QKI: variants seen among roughly 807,000 people sequenced by gnomAD.
QKI encodes the protein QKI, KH domain containing RNA binding.
A neutral mutation model predicts 39.0 loss-of-function variants in QKI; 10 were observed. That is an observed-to-expected ratio of 0.26 (90% CI 0.16 to 0.43). QKI has a LOEUF of 0.43. QKI is among the 20% of genes least tolerant of loss of function. The probability of loss-of-function intolerance (pLI) is 1.00; values close to 1 mark genes in which losing one functional copy is unlikely to be tolerated. For missense variants in QKI, 218 were observed against 428.0 expected, an observed-to-expected ratio of 0.51 and a Z score of 4.33; for synonymous variants, 204 against 155.4, an observed-to-expected ratio of 1.31 and a Z score of -2.33.
intron 1 of QKI, chr6:163,415,971 C>T (rs1175264477): frequency 2.0e-6 from 1 of 493,554 alleles, no homozygotes; most frequent in South Asian, 1.5e-5. Flanking sequence ...ACAAGGAGGA[C>T]TAAGTGACGG....
intron 7 of QKI, 27 bp from the exon 8 acceptor site, chr6:163,570,667 T>TG (rs758841050): frequency 3.1e-6 from 5 of 1,596,842 alleles, no homozygotes; most frequent in Middle Eastern, 1.7e-4. Context: ...TTTTTTGTTT[T>TG]GTTTTTTTTT....
chr6:163,466,678 A>G (rs541574520), intron 2 of QKI, among the ~76,000 whole-genome samples: 7 of 152,208 alleles, frequency 4.6e-5, no homozygotes, highest in Non-Finnish European at 7.3e-5. Flanking sequence ...TGACATTCCA[A>G]AGATGAAAGT....
intron 1 of QKI, among the ~76,000 whole-genome samples, chr6:163,435,889 A>G (rs1442770198): frequency 2.0e-5 from 3 of 152,182 alleles, no homozygotes; most frequent in Non-Finnish European, 2.9e-5. Flanking sequence ...ATATTTAAAC[A>G]CAGAATGGTA....
intron 2 of QKI, among the ~76,000 whole-genome samples, chr6:163,468,152 C>T (rs1391041571): frequency 1.3e-5 from 2 of 152,110 alleles, no homozygotes; most frequent in Non-Finnish European, 2.9e-5. Context: ...TACATATACG[C>T]TTCTGTGAAT....
chr6:163,451,686 A>G (rs1790571681), intron 1 of QKI, among the ~76,000 whole-genome samples: 1 of 152,164 alleles, frequency 6.6e-6, no homozygotes, highest in Admixed American at 6.5e-5. Context: ...ACGGTTCTGA[A>G]CTTCAGTTCT....
rs573065457 is a variant in QKI at position 163,416,264 on chromosome 6, A to G, written c.142+929A>G. The G allele has an allele frequency of 9.8e-5, 25 of 256,008 alleles. No homozygotes were observed. In the East Asian group the frequency reaches 1.3e-3, roughly 13 times the overall value. 15.9% of individuals were successfully genotyped at this position (256,008 alleles called of 1,614,324 possible). A position where few individuals can be genotyped will look rare whatever the true frequency, so the allele number is the denominator to read the frequency against. On this transcript the variant is annotated intron_variant, in intron 1 of 7. Transcript: ENST00000361752. ...GCGCTGTGGGGAGTGAAGAATGACAAGAAGATTAATGTTGACCAACTTTGG... is the reference window on the plus strand; with the variant it reads ...GCGCTGTGGGGAGTGAAGAATGACAGGAAGATTAATGTTGACCAACTTTGG...
At chr6:163,502,964 A>G (rs1778864334) in intron 3 of QKI, among the ~76,000 whole-genome samples, 1 of 152,186 alleles carries the variant, frequency 6.6e-6, no homozygotes, top group Admixed American at 6.5e-5. Context: ...CATTCCCACC[A>G]ACAGTATATA....
rs369728190 is a variant in QKI at position 163,535,104 on chromosome 6, G to A, written c.525G>A (p.Val175=). ...EIKLKRAVEE[V]KKLLVPAAEG... ...AATTGAAGAGAGCAGTTGAAGAAGT[G>A]AAGAAATTATTGGTACCTGCAGTAA... Residue 175 remains valine, a synonymous_variant, in exon 4 of 8, where the codon GTG becomes GTA. Coordinates refer to ENST00000361752, the MANE Select transcript of QKI (RefSeq NM_006775.3). 8.8e-6 allele frequency: 14 copies of A among 1,599,692 alleles called. No homozygotes were observed. Among genetic ancestry groups the A allele is most frequent in the South Asian group, 1.1e-5 (1 of 87,146 alleles).
At chr6:163,553,924 A>G (rs1214224613) in intron 4 of QKI, among the ~76,000 whole-genome samples, 1 of 152,168 alleles carries the variant, frequency 6.6e-6, no homozygotes, top group Non-Finnish European at 1.5e-5. Flanking sequence ...ACCTTGCTTT[A>G]TGTGTGGAAA....
intron 6 of QKI, chr6:163,566,202 AC>A (rs762342272): frequency 3.8e-6 from 5 of 1,327,166 alleles, no homozygotes; most frequent in Non-Finnish European, 4.8e-6. Context: ...TGCTAAGTGT[AC>A]TATACTGTTT....
chr6:163,483,409 C>G (rs1793230597), intron 3 of QKI, among the ~76,000 whole-genome samples: 1 of 152,194 alleles, frequency 6.6e-6, no homozygotes, highest in South Asian at 2.1e-4. Flanking sequence ...AAAGATGTCT[C>G]TAGCATGCAG....
chr6:163,522,754 C>T (rs187042898), intron 3 of QKI, among the ~76,000 whole-genome samples: 25 of 152,260 alleles, frequency 1.6e-4, no homozygotes, highest in Admixed American at 1.4e-3. Context: ...CACATAAATA[C>T]GTATTCCTGA....
intron 1 of QKI, among the ~76,000 whole-genome samples, chr6:163,424,514 A>G (rs192589600): frequency 3.4e-4 from 52 of 152,334 alleles, no homozygotes; most frequent in African/African-American, 1.1e-3. Flanking sequence ...CTGAACCTCA[A>G]GCTTCTTCAT....
chr6:163,570,427 T>A (rs1783631992), intron 7 of QKI: 1 of 978,480 alleles, frequency 1.0e-6, no homozygotes, highest in East Asian at 1.2e-4. Context: ...TTTATTTCTA[T>A]TTTTTCTTGT....
chr6:163,444,894 G>A (rs766820237), intron 1 of QKI, among the ~76,000 whole-genome samples: 4 of 151,642 alleles, frequency 2.6e-5, no homozygotes, highest in Non-Finnish European at 5.9e-5. Context: ...AAAGTCCAAA[G>A]CAAACACTTT....
In QKI at chr6:163,492,712, A is replaced by G. The variant is rs142285415; in HGVS notation, c.402+13816A>G. Among the ~76,000 whole-genome samples the G allele has an allele frequency of 2.2e-4, 34 of 152,280 alleles. No homozygotes were observed. In the East Asian group the frequency reaches 6.0e-3, roughly 27 times the overall value. On this transcript the variant is annotated intron_variant, in intron 3 of 7. Transcript: ENST00000361752. The stretch of plus-strand genomic sequence containing the variant: ...AGTAATTTTATCTTTGTAACTAATA[A>G]GATTAATGTTTGAATAATAATTTGT...
chr6:163,417,576 C>T (rs544805767), intron 1 of QKI, among the ~76,000 whole-genome samples: 26 of 152,126 alleles, frequency 1.7e-4, no homozygotes, highest in Non-Finnish European at 2.8e-4. Flanking sequence ...CTTTCAAATC[C>T]AGAAATTTCA....
At chr6:163,471,701 C>T (rs1190894164) in intron 2 of QKI, among the ~76,000 whole-genome samples, 1 of 151,912 alleles carries the variant, frequency 6.6e-6, no homozygotes, top group African/African-American at 2.4e-5. Context: ...TCTTCGTCCG[C>T]CCACATCCAG....
chr6:163,551,900 A>G (rs1782254867), intron 4 of QKI, among the ~76,000 whole-genome samples: 1 of 152,202 alleles, frequency 6.6e-6, no homozygotes, highest in South Asian at 2.1e-4. Flanking sequence ...ATTGTATGCA[A>G]CATTTTTTGC....
Sources: allele counts gnomAD v4.1 joint callset (sites outside exome capture counted in the v4.1 genomes callset), GRCh38; gene constraint gnomAD v4.1.1; transcripts MANE v1.5; gene names NCBI Gene and HGNC (gene_info 2026-07-23, HGNC 2026-07-21).